The following SPAG16 variants were observed in gnomAD, a reference collection of about 807,000 sequenced individuals.
The protein encoded by SPAG16 is sperm-associated antigen 16 protein.
SPAG16 carries 86 observed loss-of-function variants against 80.4 expected under a neutral mutation model. The ratio of observed to expected loss-of-function variants is 1.07; its 90% CI spans 0.90 to 1.28. SPAG16 has a LOEUF of 1.28. Among genes scored for constraint, SPAG16 ranks in the 50% most tolerant of loss-of-function variants. The pLI is 0.00. For synonymous variants in SPAG16, 294 were observed against 265.9 expected (o/e 1.11, Z -1.03); for missense variants, 870 against 765.3 (o/e 1.14, Z -1.61).
At chr2:214,031,832 G>A (rs1014960402) in intron 13 of SPAG16, among the ~76,000 whole-genome samples, 1 of 152,096 alleles carries the variant, frequency 6.6e-6, no homozygotes, top group East Asian at 1.9e-4. Context: ...GAACCAAGGG[G>A]GGAAGTGCTA....
At chr2:213,914,084 G>A (rs969083383) in intron 11 of SPAG16, among the ~76,000 whole-genome samples, 12 of 151,952 alleles carry the variant, frequency 7.9e-5, no homozygotes, top group South Asian at 2.1e-4. Flanking sequence ...TAAAACTGAC[G>A]CATAAAATTA....
In SPAG16 at chr2:213,626,045, G is replaced by A. The variant is rs111936389; in HGVS notation, c.1070+135955G>A. Reference sequence around the variant, plus strand: ...CATTTCATTCCTAGGATCTTCTGGAGTTTGTCCTTTTATATGGAGTGAGAA... The same window carrying A: ...CATTTCATTCCTAGGATCTTCTGGAATTTGTCCTTTTATATGGAGTGAGAA... On this transcript the variant is annotated intron_variant, in intron 10 of 15. Coordinates refer to ENST00000331683, the MANE Select transcript of SPAG16 (RefSeq NM_024532.5). 1.5e-3 allele frequency among the ~76,000 whole-genome samples: 233 copies of A among 152,106 alleles called. 3 individuals are homozygous for A. Among genetic ancestry groups the A allele is most frequent in the African/African-American group, 4.6e-3 (189 of 41,490 alleles).
chr2:213,540,402 A>G (rs1361129952), intron 10 of SPAG16, among the ~76,000 whole-genome samples: 1 of 152,148 alleles, frequency 6.6e-6, no homozygotes, highest in Non-Finnish European at 1.5e-5. Context: ...CAAAGTCTGA[A>G]GTTCCCTAAA....
intron 15 of SPAG16, among the ~76,000 whole-genome samples, chr2:214,392,776 T>C (rs1227025094): frequency 1.3e-5 from 2 of 151,488 alleles, no homozygotes; most frequent in Admixed American, 1.3e-4. Flanking sequence ...CTAAGAGAAA[T>C]ACTTCCATAG....
At chr2:214,037,942 G>T (rs1398340801) in intron 13 of SPAG16, among the ~76,000 whole-genome samples, 1 of 147,012 alleles carries the variant, frequency 6.8e-6, no homozygotes. Flanking sequence ...TAGCCTTTCT[G>T]AATTATTTTG....
chr2:213,398,171 T>G (rs2068137633), intron 9 of SPAG16, among the ~76,000 whole-genome samples: 1 of 151,552 alleles, frequency 6.6e-6, no homozygotes, highest in Non-Finnish European at 1.5e-5. Context: ...GCTCTCTGTT[T>G]TTTTTTTTTT....
intron 9 of SPAG16, among the ~76,000 whole-genome samples, chr2:213,476,810 G>A (rs1457896251): frequency 6.6e-6 from 1 of 151,926 alleles, no homozygotes; most frequent in Non-Finnish European, 1.5e-5. Context: ...TACTCTCGCT[G>A]CCCACAGCTT....
chr2:213,905,195 A>G (rs921033341), intron 11 of SPAG16, among the ~76,000 whole-genome samples: 5 of 152,178 alleles, frequency 3.3e-5, no homozygotes, highest in Admixed American at 1.3e-4. Flanking sequence ...AGTTTATTTT[A>G]TGGGAGCAAA....
chr2:214,201,704 A>G (rs1412054204), intron 15 of SPAG16, among the ~76,000 whole-genome samples: 1 of 152,204 alleles, frequency 6.6e-6, no homozygotes, highest in East Asian at 1.9e-4. Flanking sequence ...AACACCAACC[A>G]AAATTCTGGA....
intron 13 of SPAG16, among the ~76,000 whole-genome samples, chr2:214,014,798 C>T (rs1487392739): frequency 6.6e-6 from 1 of 152,110 alleles, no homozygotes; most frequent in African/African-American, 2.4e-5. Context: ...ATTAAGCAAA[C>T]AGGGTGACAT....
chr2:213,810,093 A>G lies in SPAG16; in HGVS notation c.1071-52392A>G, dbSNP rs13390634. On this transcript the variant is annotated intron_variant, in intron 10 of 15. Coordinates refer to ENST00000331683, the MANE Select transcript of SPAG16 (RefSeq NM_024532.5). ...TCTCTCTGTTTAAGAAGTTCCATGG[A>G]TCAGAAGAGTAAGAGAGAAGGATAG... Among the ~76,000 whole-genome samples, 736 of 152,330 alleles carry G rather than the reference A, an allele frequency of 4.8e-3. 7 individuals are homozygous for G. Among genetic ancestry groups the G allele is most frequent in the African/African-American group, 0.017 (700 of 41,582 alleles).
At chr2:213,768,999 T>C (rs941484630) in intron 10 of SPAG16, among the ~76,000 whole-genome samples, 3 of 151,862 alleles carry the variant, frequency 2.0e-5, no homozygotes, top group African/African-American at 7.3e-5. Context: ...AGGAAAGAGA[T>C]GGTTGGTTAT....
intron 15 of SPAG16, among the ~76,000 whole-genome samples, chr2:214,164,907 A>G (rs1239795805): frequency 6.6e-6 from 1 of 152,122 alleles, no homozygotes; most frequent in East Asian, 1.9e-4. Flanking sequence ...GCAATTAATA[A>G]TATCATGTAA....
rs139378759 is a variant in SPAG16 at position 213,318,250 on chromosome 2, C to T, written c.536+894C>T. On this transcript the variant is annotated intron_variant, in intron 5 of 15. Coordinates refer to ENST00000331683, the MANE Select transcript of SPAG16 (RefSeq NM_024532.5). ...GATGATAACAAAGTCATGGAATCAACGTAAGTGTCCATCAGCAGATGATGG... is the reference window on the plus strand; with the variant it reads ...GATGATAACAAAGTCATGGAATCAATGTAAGTGTCCATCAGCAGATGATGG... Among the ~76,000 whole-genome samples, 131 of 152,004 alleles carry T rather than the reference C, an allele frequency of 8.6e-4. 1 individual carries two copies. Among genetic ancestry groups the T allele is most frequent in the Non-Finnish European group, 3.4e-4 (23 of 67,924 alleles).
chr2:214,254,250 C>T lies in SPAG16; in HGVS notation c.1720+104984C>T, dbSNP rs189371955. Among the ~76,000 whole-genome samples, 72 of 152,234 alleles carry T rather than the reference C, an allele frequency of 4.7e-4. No individual in the cohort carries two copies. The East Asian group carries it at 0.014, about 29-fold the overall frequency. On this transcript the variant is annotated intron_variant, in intron 15 of 15. Coordinates refer to ENST00000331683, the MANE Select transcript of SPAG16 (RefSeq NM_024532.5). The stretch of plus-strand genomic sequence containing the variant: ...CTGCAAACAGAGACAATTTGACTTC[C>T]TCTCTTCCTGTTTGAATGCCCTTTA...
At position 213,326,089 on chromosome 2, in the gene SPAG16, G is replaced by A. The variant is rs755622494; in HGVS notation, c.536+8733G>A. Among the ~76,000 whole-genome samples, 68 of 151,998 alleles carry A rather than the reference G, an allele frequency of 4.5e-4. No homozygotes were observed. The Middle Eastern group carries it at 0.017, about 38-fold the overall frequency. Reference sequence around the variant, plus strand: ...TCCTTTGCCAGGCTTTTACAGTAAGGAAATATAATGCAGACCAGAAAGGCT... The same window carrying A: ...TCCTTTGCCAGGCTTTTACAGTAAGAAAATATAATGCAGACCAGAAAGGCT... On this transcript the variant is annotated intron_variant, in intron 5 of 15. Coordinates refer to ENST00000331683, the MANE Select transcript of SPAG16 (RefSeq NM_024532.5).
chr2:213,825,660 A>G (rs2073233228), intron 10 of SPAG16, among the ~76,000 whole-genome samples: 1 of 146,912 alleles, frequency 6.8e-6, no homozygotes, highest in Non-Finnish European at 1.5e-5. Flanking sequence ...ATCAGTGTTC[A>G]TCAGGAATAT....
intron 14 of SPAG16, among the ~76,000 whole-genome samples, chr2:214,120,237 C>A (rs1359240585): frequency 6.6e-6 from 1 of 151,362 alleles, no homozygotes; most frequent in African/African-American, 2.4e-5. Context: ...GTGTGGCATC[C>A]CAATTAATTT....
intron 10 of SPAG16, among the ~76,000 whole-genome samples, chr2:213,668,542 T>C (rs1483715457): frequency 6.6e-6 from 1 of 152,240 alleles, no homozygotes; most frequent in Non-Finnish European, 1.5e-5. Context: ...CATTTCACTC[T>C]TATGTAATTA....
Sources: allele counts gnomAD v4.1 joint callset (sites outside exome capture counted in the v4.1 genomes callset), GRCh38; gene constraint gnomAD v4.1.1; transcripts MANE v1.5; gene names NCBI Gene and HGNC (gene_info 2026-07-23, HGNC 2026-07-21).